The following RNGTT variants were observed in gnomAD, a reference collection of about 807,000 sequenced individuals.
RNGTT encodes the protein RNA guanylyltransferase and 5'-phosphatase.
A neutral mutation model predicts 79.3 loss-of-function variants in RNGTT; 33 were observed. The observed-to-expected ratio is 0.42, with a 90% confidence interval of 0.32 to 0.56. The LOEUF (loss-of-function observed/expected upper bound fraction) is 0.56. RNGTT is among the 20% of genes least tolerant of loss of function. The pLI, the probability that RNGTT is intolerant of heterozygous loss-of-function variation, is 0.17. For synonymous variants in RNGTT, 222 were observed against 235.9 expected, an observed-to-expected ratio of 0.94 and a Z score of 0.54; for missense variants, 497 against 739.1, an observed-to-expected ratio of 0.67 and a Z score of 3.80.
chr6:88,688,459 C>G (rs918287211), intron 13 of RNGTT, among the ~76,000 whole-genome samples: 2 of 152,126 alleles, frequency 1.3e-5, no homozygotes, highest in Admixed American at 1.3e-4. Flanking sequence ...ATGACCACAC[C>G]TAGGATTAGA....
intron 13 of RNGTT, among the ~76,000 whole-genome samples, chr6:88,738,548 A>C (rs956909388): frequency 1.3e-5 from 2 of 152,190 alleles, no homozygotes; most frequent in Admixed American, 6.5e-5. Context: ...CAGAAGGCTG[A>C]GGCAAGAGAA....
At chr6:88,860,225 A>T (rs1218277873) in intron 8 of RNGTT, among the ~76,000 whole-genome samples, 1 of 152,236 alleles carries the variant, frequency 6.6e-6, no homozygotes. Flanking sequence ...TGGATATGTG[A>T]CTGAGAAAAT....
chr6:88,925,072 A>AAACTAATTACAGC (rs1167010280), intron 4 of RNGTT, among the ~76,000 whole-genome samples: 1 of 152,068 alleles, frequency 6.6e-6, no homozygotes, highest in East Asian at 1.9e-4. Context: ...GGCCAACTAG[A>AAACTAATTACAGC]AACTAATTAC....
intron 8 of RNGTT, among the ~76,000 whole-genome samples, chr6:88,874,550 G>GT (rs1189242311): frequency 1.3e-5 from 2 of 151,852 alleles, no homozygotes; most frequent in African/African-American, 2.4e-5. Flanking sequence ...AGAGGATAAA[G>GT]TTTTTTCCCC....
intron 6 of RNGTT, among the ~76,000 whole-genome samples, chr6:88,894,037 A>G (rs1424164540): frequency 6.6e-6 from 1 of 152,206 alleles, no homozygotes; most frequent in Non-Finnish European, 1.5e-5. Flanking sequence ...GCTGAAAGCA[A>G]CCTGAAAATA....
chr6:88,625,043 T>A (rs948397558), intron 14 of RNGTT, among the ~76,000 whole-genome samples: 2 of 151,866 alleles, frequency 1.3e-5, no homozygotes, highest in African/African-American at 4.8e-5. Flanking sequence ...TATATACCTA[T>A]TAGAATGTCT....
At chr6:88,942,495 C>A (rs183710516) in intron 1 of RNGTT, among the ~76,000 whole-genome samples, 1 of 152,098 alleles carries the variant, frequency 6.6e-6, no homozygotes, top group Admixed American at 6.5e-5. Context: ...CTCAGCCCCC[C>A]AGTAGCTGGG....
intron 11 of RNGTT, among the ~76,000 whole-genome samples, chr6:88,807,882 G>A (rs1002038421): frequency 6.6e-6 from 1 of 152,144 alleles, no homozygotes; most frequent in Non-Finnish European, 1.5e-5. Context: ...CGCCAGCCAT[G>A]AGACAATGAA....
At chr6:88,662,859 G>C (rs1774241990) in intron 14 of RNGTT, among the ~76,000 whole-genome samples, 1 of 152,232 alleles carries the variant, frequency 6.6e-6, no homozygotes, top group Non-Finnish European at 1.5e-5. Context: ...CTGGAACATG[G>C]TAAGACTGGC....
rs879797651 is a variant in RNGTT at position 88,921,319 on chromosome 6, TA to T, written c.367+7665del. Among the ~76,000 whole-genome samples the T allele has an allele frequency of 7.8e-3, 1,123 of 144,584 alleles. 4 individuals are homozygous for T. Among genetic ancestry groups the T allele is most frequent in the African/African-American group, 0.018 (727 of 39,792 alleles). 94.9% of individuals were successfully genotyped at this position (144,584 alleles called of 152,430 possible). The stretch of plus-strand genomic sequence containing the variant: ...GGGTGACATAGTGAGACCTGGTCTT[TA>T]AAAAAAAAAAAAGTAATCTTTGAAT... On this transcript the variant is annotated intron_variant, in intron 4 of 15. Coordinates refer to ENST00000369485, the MANE Select transcript of RNGTT (RefSeq NM_003800.5).
chr6:88,869,966 G>A (rs1782303025), intron 8 of RNGTT, among the ~76,000 whole-genome samples: 2 of 152,032 alleles, frequency 1.3e-5, no homozygotes, highest in African/African-American at 4.8e-5. Flanking sequence ...AATTCATAGG[G>A]AGACAAAATT....
At chr6:88,784,322 A>G (rs1246642459) in intron 12 of RNGTT, among the ~76,000 whole-genome samples, 2 of 152,090 alleles carry the variant, frequency 1.3e-5, no homozygotes, top group South Asian at 2.1e-4. Flanking sequence ...GGTACTTACA[A>G]TCTAGTAAGA....
At chr6:88,893,365 G>A (rs939957357) in intron 6 of RNGTT, among the ~76,000 whole-genome samples, 6 of 152,124 alleles carry the variant, frequency 3.9e-5, no homozygotes, top group African/African-American at 1.4e-4. Context: ...TATCAACGTG[G>A]ATTTCCTATG....
intron 2 of RNGTT, among the ~76,000 whole-genome samples, chr6:88,936,564 G>T (rs1246657107): frequency 2.6e-5 from 4 of 152,146 alleles, no homozygotes; most frequent in Non-Finnish European, 4.4e-5. Context: ...TGCCTAGTTT[G>T]TTGAGAGTTT....
At chr6:88,766,138 C>T (rs559138777) in intron 13 of RNGTT, among the ~76,000 whole-genome samples, 12 of 152,232 alleles carry the variant, frequency 7.9e-5, no homozygotes, top group Middle Eastern at 3.4e-3. Context: ...TCCTTACAGA[C>T]GTCTTATGAG....
chr6:88,701,573 A>G (rs879797375), intron 13 of RNGTT, among the ~76,000 whole-genome samples: 2 of 151,516 alleles, frequency 1.3e-5, no homozygotes, highest in Admixed American at 1.3e-4. Flanking sequence ...GCTCTGTGTT[A>G]AGTATAATTT....
At chr6:88,916,653 T>A (rs2127948317) in intron 4 of RNGTT, among the ~76,000 whole-genome samples, 1 of 152,332 alleles carries the variant, frequency 6.6e-6, no homozygotes, top group Admixed American at 6.5e-5. Flanking sequence ...TTCTCAGCAA[T>A]GAACTTTATC....
At chr6:88,904,598 A>T in intron 6 of RNGTT, 117 bp downstream of exon 6, 1 of 1,225,846 alleles carries the variant, frequency 8.2e-7, no homozygotes, top group Non-Finnish European at 1.1e-6. Flanking sequence ...AAGGGCTAGG[A>T]TGAATCATCT....
At chr6:88,914,451 A>G (rs1385583821) in intron 4 of RNGTT, among the ~76,000 whole-genome samples, 1 of 152,136 alleles carries the variant, frequency 6.6e-6, no homozygotes, top group Non-Finnish European at 1.5e-5. Context: ...ACACAGACAA[A>G]TGCAACAGAA....
Sources: allele counts gnomAD v4.1 joint callset (sites outside exome capture counted in the v4.1 genomes callset), GRCh38; gene constraint gnomAD v4.1.1; transcripts MANE v1.5; gene names NCBI Gene and HGNC (gene_info 2026-07-23, HGNC 2026-07-21).